Variants in TRHDE observed in about 807,000 individuals in gnomAD.
TRHDE encodes thyrotropin-releasing hormone-degrading ectoenzyme.
TRHDE carries 72 observed loss-of-function variants against 125.7 expected under a neutral mutation model. The observed-to-expected ratio is 0.57, with a 90% CI of 0.47 to 0.70. TRHDE has a LOEUF of 0.70. TRHDE is among the 30% of genes least tolerant of loss of function. The pLI, the probability that TRHDE is intolerant of heterozygous loss-of-function variation, is 0.00. For synonymous variants in TRHDE, 509 were observed against 509.1 expected (o/e 1.00, Z 0.00); for missense variants, 1,110 against 1,327.1 (o/e 0.84, Z 2.54).
chr12:72,346,178 G>A (rs906649477), intron 2 of TRHDE, among the ~76,000 whole-genome samples: 1 of 152,084 alleles, frequency 6.6e-6, no homozygotes, highest in Non-Finnish European at 1.5e-5. Context: ...GAGGCCTGTT[G>A]TGGAAGCTGG....
At chr12:72,201,179 G>A (rs1014947795) in intron 2 of TRHDE, among the ~76,000 whole-genome samples, 2 of 152,130 alleles carry the variant, frequency 1.3e-5, no homozygotes, top group Non-Finnish European at 2.9e-5. Flanking sequence ...TCAGATCATG[G>A]AGTCTTCATA....
intron 3 of TRHDE, among the ~76,000 whole-genome samples, chr12:72,432,747 G>T (rs1275907896): frequency 1.3e-5 from 2 of 152,156 alleles, no homozygotes; most frequent in Non-Finnish European, 2.9e-5. Flanking sequence ...GATTTTCTAT[G>T]TAAAATGTCA....
chr12:72,517,937 C>T (rs1360947617), intron 6 of TRHDE, among the ~76,000 whole-genome samples: 1 of 151,912 alleles, frequency 6.6e-6, no homozygotes, highest in African/African-American at 2.4e-5. Flanking sequence ...TGTTCAGTTT[C>T]CATGTAATTG....
rs138208061 is a variant in TRHDE, at chr12:72,430,251, G to GTA, written c.1316-39498_1316-39497dup. Among the ~76,000 whole-genome samples, 648 of 145,298 alleles carry GTA rather than the reference G, an allele frequency of 4.5e-3. 6 individuals carry two copies. The highest frequency in any genetic ancestry group is 0.015 in the African/African-American group (597 of 39,236). On this transcript the variant is annotated intron_variant, in intron 3 of 18. Transcript: ENST00000261180. ...ATGCAATATATATATGTATGTGTGT[G>GTA]TATATATATAATACACACATATAAA...
intron 1 of TRHDE, among the ~76,000 whole-genome samples, chr12:72,094,352 C>A (rs955737202): frequency 6.6e-6 from 1 of 151,890 alleles, no homozygotes. Flanking sequence ...GAGTAAGGGG[C>A]CATAGCCAAG....
At chr12:72,207,272 A>G (rs1400362931) in intron 2 of TRHDE, among the ~76,000 whole-genome samples, 1 of 152,192 alleles carries the variant, frequency 6.6e-6, no homozygotes, top group Admixed American at 6.5e-5. Flanking sequence ...GCTTAGATCA[A>G]AAATGCTTAT....
At chr12:72,177,187 A>G (rs550521680) in intron 2 of TRHDE, among the ~76,000 whole-genome samples, 1 of 152,286 alleles carries the variant, frequency 6.6e-6, no homozygotes, top group East Asian at 1.9e-4. Context: ...GGAAGGCAGC[A>G]TTTATCATTG....
chr12:72,442,521 A>G (rs886435131), intron 3 of TRHDE, among the ~76,000 whole-genome samples: 2 of 151,854 alleles, frequency 1.3e-5, no homozygotes, highest in Admixed American at 6.6e-5. Context: ...TCCTTGCTGC[A>G]TTTGGCGTTA....
chr12:72,177,541 A>C (rs1877014380), intron 2 of TRHDE, among the ~76,000 whole-genome samples: 1 of 152,148 alleles, frequency 6.6e-6, no homozygotes, highest in Non-Finnish European at 1.5e-5. Flanking sequence ...ATTTCTGTAA[A>C]TGTTATCATC....
intron 2 of TRHDE, among the ~76,000 whole-genome samples, chr12:72,128,103 G>T (rs911425763): frequency 6.6e-6 from 1 of 152,106 alleles, no homozygotes; most frequent in African/African-American, 2.4e-5. Flanking sequence ...GGAATTACCT[G>T]AGACCAGAGA....
upstream of TRHDE, among the ~76,000 whole-genome samples, chr12:72,270,155 C>A (rs1592507894): frequency 6.6e-6 from 1 of 152,280 alleles, no homozygotes; most frequent in African/African-American, 2.4e-5. Flanking sequence ...CTCCTCAACT[C>A]TTAAAATGCA....
chr12:72,185,792 A>G (rs957623531), intron 2 of TRHDE, among the ~76,000 whole-genome samples: 1 of 144,788 alleles, frequency 6.9e-6, no homozygotes, highest in African/African-American at 2.6e-5. Flanking sequence ...ACCACTCGGC[A>G]CTCTGTATCT....
At chr12:72,182,503 C>T (rs1388111488) in intron 2 of TRHDE, among the ~76,000 whole-genome samples, 2 of 152,210 alleles carry the variant, frequency 1.3e-5, no homozygotes, top group Non-Finnish European at 2.9e-5. Flanking sequence ...CCAAAATTGG[C>T]TGGCTTCTTA....
At chr12:72,586,312 A>G (rs1871437011) in intron 12 of TRHDE, among the ~76,000 whole-genome samples, 1 of 152,188 alleles carries the variant, frequency 6.6e-6, no homozygotes, top group Non-Finnish European at 1.5e-5. Flanking sequence ...ATTTGAAGTA[A>G]CATACACTTT....
chr12:72,127,088 GAA>G (rs1041855810), intron 2 of TRHDE, among the ~76,000 whole-genome samples: 1 of 152,088 alleles, frequency 6.6e-6, no homozygotes, highest in African/African-American at 2.4e-5. Flanking sequence ...ACAAACATAT[GAA>G]AAAATGTTCT....
chr12:72,322,228 C>T (rs949953475), intron 2 of TRHDE, among the ~76,000 whole-genome samples: 1 of 152,110 alleles, frequency 6.6e-6, no homozygotes, highest in East Asian at 1.9e-4. Context: ...CCTGTTTCAG[C>T]CCTCATGCTG....
chr12:72,111,653 G>C (rs559178045), intron 2 of TRHDE, among the ~76,000 whole-genome samples: 27 of 152,258 alleles, frequency 1.8e-4, no homozygotes, highest in Admixed American at 5.2e-4. Context: ...ATAGATTTCT[G>C]GTCCAGTTTG....
In TRHDE at chr12:72,518,980, C is replaced by A. The variant is rs527751275; in HGVS notation, c.1722+19345C>A. On this transcript the variant is annotated intron_variant, in intron 6 of 18. Transcript: ENST00000261180. The stretch of plus-strand genomic sequence containing the variant: ...AGAATGTTGAATATTGGCCCCCACT[C>A]TCTTCTGGCTGGTAGAGTTTCTGCC... 2.6e-5 allele frequency among the ~76,000 whole-genome samples: 4 copies of A among 152,330 alleles called. No individual in the cohort carries two copies. In the East Asian group the frequency reaches 5.8e-4, roughly 22 times the overall value.
At chr12:72,471,364 A>C (rs1005164164) in intron 4 of TRHDE, among the ~76,000 whole-genome samples, 1 of 152,182 alleles carries the variant, frequency 6.6e-6, no homozygotes, top group African/African-American at 2.4e-5. Context: ...TATTTGAGAC[A>C]AAAGCAGTTT....
Sources: allele counts gnomAD v4.1 joint callset (sites outside exome capture counted in the v4.1 genomes callset), GRCh38; gene constraint gnomAD v4.1.1; transcripts MANE v1.5; gene names NCBI Gene and HGNC (gene_info 2026-07-23, HGNC 2026-07-21).